KCNIP3: variants seen among roughly 807,000 people sequenced by gnomAD.
The protein encoded by KCNIP3 is calsenilin.
Under a neutral mutation model 35.0 loss-of-function variants are expected in KCNIP3, and 28 were observed. That is an observed-to-expected ratio of 0.80 (90% CI 0.59 to 1.10). KCNIP3 has a LOEUF of 1.10. Ranked by LOEUF, KCNIP3 falls within the 50% of genes least tolerant of loss-of-function variation. KCNIP3 has a pLI of 0.00. For synonymous variants in KCNIP3, 134 were observed against 133.8 expected (o/e 1.00, Z -0.01); for missense variants, 295 against 338.4 (o/e 0.87, Z 1.01).
At chr2:95,348,690 C>T (rs1441115813) in intron 2 of KCNIP3, among the ~76,000 whole-genome samples, 3 of 152,094 alleles carry the variant, frequency 2.0e-5, no homozygotes, top group African/African-American at 7.2e-5. Context: ...TGGTTTATTC[C>T]ACCTGCCAAA....
At chr2:95,340,267 C>T (rs552646802) in intron 2 of KCNIP3, among the ~76,000 whole-genome samples, 1 of 152,310 alleles carries the variant, frequency 6.6e-6, no homozygotes, top group East Asian at 1.9e-4. Flanking sequence ...ACCTGGGAGG[C>T]AGAGGTTGCA....
intron 2 of KCNIP3, among the ~76,000 whole-genome samples, chr2:95,352,008 A>T (rs1245111985): frequency 6.6e-6 from 1 of 152,156 alleles, no homozygotes; most frequent in Non-Finnish European, 1.5e-5. Flanking sequence ...CAGGCCTATA[A>T]TCCCAGCACT....
In KCNIP3 at chr2:95,370,615, G is replaced by T. The variant is rs181292777; in HGVS notation, c.182-3681G>T. 3.3e-3 allele frequency among the ~76,000 whole-genome samples: 509 copies of T among 152,244 alleles called. 2 individuals are homozygous for T. The highest frequency in any genetic ancestry group is 5.8e-3 in the Non-Finnish European group (393 of 68,024). On this transcript the variant is annotated intron_variant, in intron 2 of 8. Coordinates refer to ENST00000295225, the MANE Select transcript of KCNIP3 (RefSeq NM_013434.5). ...TACAAAATCGAGTTATTAGTCTTATGCTGATTTGTAGAAGTTAATTATGTA... is the reference window on the plus strand; with the variant it reads ...TACAAAATCGAGTTATTAGTCTTATTCTGATTTGTAGAAGTTAATTATGTA...
Position 95,374,423 on chromosome 2 carries a change from G to A in KCNIP3, c.306+3G>A. The A allele has an allele frequency of 6.2e-7, 1 of 1,613,782 alleles. No individual in the cohort carries two copies. The highest frequency in any genetic ancestry group is 1.1e-5 in the South Asian group (1 of 91,022). On this transcript the variant is annotated splice_donor_region_variant and intron_variant, in intron 3 of 8. Coordinates refer to ENST00000295225, the MANE Select transcript of KCNIP3 (RefSeq NM_013434.5). ...CTCTCTACAGGGGCTTTAAGAATGT[G>A]AGTGTTCCCCATTCCCCCGGGAGAG...
chr2:95,346,635 CG>C (rs1289135604), intron 2 of KCNIP3: 1 of 145,334 alleles, frequency 6.9e-6, no homozygotes, highest in African/African-American at 2.5e-5. Flanking sequence ...CCCCGGCGCC[CG>C]CGGGGCTGGA....
intron 2 of KCNIP3, among the ~76,000 whole-genome samples, chr2:95,366,758 A>G (rs1320660161): frequency 6.6e-6 from 1 of 152,062 alleles, no homozygotes; most frequent in Non-Finnish European, 1.5e-5. Context: ...TGAGGTTTCA[A>G]TTTGCATTTC....
At chr2:95,367,726 A>G (rs1679948761) in intron 2 of KCNIP3, among the ~76,000 whole-genome samples, 1 of 150,550 alleles carries the variant, frequency 6.6e-6, no homozygotes, top group Admixed American at 6.6e-5. Context: ...TACAAAATCC[A>G]TTCACTTCTT....
intron 2 of KCNIP3, among the ~76,000 whole-genome samples, chr2:95,346,545 C>G (rs1208189267): frequency 2.0e-5 from 3 of 146,784 alleles, no homozygotes; most frequent in Non-Finnish European, 4.5e-5. Context: ...AATGAGCGCG[C>G]GGGGAGCGGC....
chr2:95,300,784 G>T (rs1464586901), intron 1 of KCNIP3, among the ~76,000 whole-genome samples: 1 of 152,228 alleles, frequency 6.6e-6, no homozygotes, highest in Non-Finnish European at 1.5e-5. Flanking sequence ...AGACGGGAGG[G>T]CAGCGTGGGG....
chr2:95,379,871 T>C (rs188701770), intron 5 of KCNIP3, among the ~76,000 whole-genome samples: 8 of 152,358 alleles, frequency 5.3e-5, no homozygotes, highest in Non-Finnish European at 1.0e-4. Flanking sequence ...CCCAATTTGC[T>C]GAAATTTCAC....
intron 2 of KCNIP3, among the ~76,000 whole-genome samples, chr2:95,333,815 G>A (rs749290600): frequency 6.6e-6 from 1 of 152,164 alleles, no homozygotes; most frequent in Non-Finnish European, 1.5e-5. Flanking sequence ...GGCAAAGGTG[G>A]GACTTGGATA....
intron 2 of KCNIP3, among the ~76,000 whole-genome samples, chr2:95,366,820 T>G (rs1573515360): frequency 6.6e-6 from 1 of 152,352 alleles, no homozygotes; most frequent in East Asian, 1.9e-4. Context: ...TTATCAGCGT[T>G]TTATCCTCTA....
chr2:95,319,971 G>A (rs1307233773), intron 2 of KCNIP3, among the ~76,000 whole-genome samples: 4 of 152,170 alleles, frequency 2.6e-5, no homozygotes, highest in South Asian at 2.1e-4. Context: ...GCCTCTGCCC[G>A]GGGCCCCAGG....
intron 2 of KCNIP3, among the ~76,000 whole-genome samples, chr2:95,338,263 C>T (rs183953720): frequency 6.6e-6 from 1 of 152,326 alleles, no homozygotes; most frequent in African/African-American, 2.4e-5. Context: ...CCTTAGACTC[C>T]ATTTGAGGTT....
chr2:95,332,260 C>T (rs749310510), intron 2 of KCNIP3, among the ~76,000 whole-genome samples: 3 of 152,236 alleles, frequency 2.0e-5, no homozygotes, highest in South Asian at 2.1e-4. Context: ...GGGGCAGATG[C>T]GTACCAACAG....
chr2:95,307,052 G>A (rs1678196036), intron 1 of KCNIP3, among the ~76,000 whole-genome samples: 2 of 152,164 alleles, frequency 1.3e-5, no homozygotes, highest in South Asian at 4.1e-4. Context: ...CCTGTCCCTG[G>A]CCCTCCCCTC....
chr2:95,375,753 C>T (rs1680168716), intron 5 of KCNIP3, among the ~76,000 whole-genome samples: 1 of 152,162 alleles, frequency 6.6e-6, no homozygotes, highest in African/African-American at 2.4e-5. Context: ...CCTGTGGGGT[C>T]CTGGCCTGGG....
intron 2 of KCNIP3, among the ~76,000 whole-genome samples, chr2:95,319,638 G>A (rs1157730911): frequency 6.6e-6 from 1 of 152,180 alleles, no homozygotes; most frequent in East Asian, 1.9e-4. Context: ...TTCCCTGGAG[G>A]GGCTAGAGCG....
At chr2:95,374,553 G>A (rs1258554192) in intron 3 of KCNIP3, 133 bp downstream of exon 3, 18 of 1,182,842 alleles carry the variant, frequency 1.5e-5, no homozygotes, top group Non-Finnish European at 1.9e-5. Context: ...GCTGTGTGGC[G>A]GGGGCAGGCT....
Sources: gnomAD v4.1 joint callset for allele counts (sites outside exome capture counted in the v4.1 genomes callset) on GRCh38, gnomAD v4.1.1 for gene constraint, MANE v1.5 for transcripts, NCBI Gene and HGNC (gene_info 2026-07-23, HGNC 2026-07-21) for gene names.